EEPD1: variants seen among roughly 807,000 people sequenced by gnomAD.
EEPD1 encodes the protein endonuclease/exonuclease/phosphatase family domain containing 1.
In EEPD1, 17 loss-of-function variants were observed where a neutral mutation model predicts 46.3. The ratio of observed to expected loss-of-function variants is 0.37; its 90% confidence interval spans 0.25 to 0.55. EEPD1 has a LOEUF of 0.55. EEPD1 is among the 20% of genes least tolerant of loss of function. The pLI is 0.83. For synonymous variants in EEPD1, 313 were observed against 315.6 expected (o/e 0.99, Z 0.09); for missense variants, 673 against 745.6 (o/e 0.90, Z 1.13).
rs73690311 is a variant in EEPD1 at position 36,225,428 on chromosome 7, G to A, written c.879-13557G>A. On this transcript the variant is annotated intron_variant, in intron 2 of 7. Transcript: ENST00000242108. The surrounding 1 kb of genome is among the most constrained non-coding windows in gnomAD (Gnocchi z 4.2). ...CCAAACTGTGATGGAAGGAAACCCC[G>A]TGCTCACGAGGGACTGTGCGTGAAT... Among the ~76,000 whole-genome samples, 1,032 of 152,260 alleles carry A rather than the reference G, an allele frequency of 6.8e-3. 17 individuals are homozygous for A. The highest frequency in any genetic ancestry group is 0.024 in the African/African-American group (977 of 41,540).
At chr7:36,162,182 C>T (rs1165117932) in intron 2 of EEPD1, among the ~76,000 whole-genome samples, 1 of 152,234 alleles carries the variant, frequency 6.6e-6, no homozygotes, top group Non-Finnish European at 1.5e-5. Context: ...CTTCCTCACC[C>T]TCCTTCTCAT....
At chr7:36,227,710 C>T (rs375671387) in intron 2 of EEPD1, among the ~76,000 whole-genome samples, 14 of 152,056 alleles carry the variant, frequency 9.2e-5, no homozygotes, top group South Asian at 2.1e-4. Context: ...TGTTTCGAGA[C>T]GGGAGTTTTG....
chr7:36,257,803 C>T (rs1332786102), intron 3 of EEPD1, among the ~76,000 whole-genome samples: 1 of 152,108 alleles, frequency 6.6e-6, no homozygotes, highest in Non-Finnish European at 1.5e-5. Context: ...TGTTATTACC[C>T]ACCTTCTGAA....
At chr7:36,207,299 CA>C (rs1269373185) in intron 2 of EEPD1, among the ~76,000 whole-genome samples, 1 of 152,140 alleles carries the variant, frequency 6.6e-6, no homozygotes, top group Non-Finnish European at 1.5e-5. Context: ...CCCATGATAT[CA>C]GGGGATGTTC....
intron 6 of EEPD1, among the ~76,000 whole-genome samples, chr7:36,288,288 G>T (rs1787371269): frequency 6.6e-6 from 1 of 152,128 alleles, no homozygotes; most frequent in African/African-American, 2.4e-5. Flanking sequence ...AATCTTGTAG[G>T]ACCTCAGGCA....
At chr7:36,196,064 CTG>C (rs1029696344) in intron 2 of EEPD1, among the ~76,000 whole-genome samples, 13 of 152,142 alleles carry the variant, frequency 8.5e-5, no homozygotes, top group African/African-American at 3.1e-4. Flanking sequence ...AATATTATAA[CTG>C]TAACACTATG....
intron 6 of EEPD1, among the ~76,000 whole-genome samples, chr7:36,289,899 A>G (rs1293058933): frequency 6.6e-6 from 1 of 152,170 alleles, no homozygotes; most frequent in Non-Finnish European, 1.5e-5. Flanking sequence ...GGTAGCTTCC[A>G]CCTTTGTCCT....
Position 36,295,358 on chromosome 7 carries a change from A to G in EEPD1, c.1316-1635A>G, listed in dbSNP as rs144063985. Among the ~76,000 whole-genome samples, 524 of 152,308 alleles carry G rather than the reference A, an allele frequency of 3.4e-3. 4 individuals carry two copies. The highest frequency in any genetic ancestry group is 0.012 in the African/African-American group (496 of 41,566). On this transcript the variant is annotated intron_variant, in intron 6 of 7. Coordinates refer to ENST00000242108, the MANE Select transcript of EEPD1 (RefSeq NM_030636.3). Reference sequence around the variant, plus strand: ...TGGAAATATTTCAGGAACAAAGTCAATGACATAGTACTGGATATAACTCAA... The same window carrying G: ...TGGAAATATTTCAGGAACAAAGTCAGTGACATAGTACTGGATATAACTCAA...
Position 36,225,736 on chromosome 7 carries a change from G to A in EEPD1, c.879-13249G>A, listed in dbSNP as rs1429652188. On this transcript the variant is annotated intron_variant, in intron 2 of 7. Coordinates refer to ENST00000242108, the MANE Select transcript of EEPD1 (RefSeq NM_030636.3). The surrounding 1 kb of genome is among the most constrained non-coding windows in gnomAD (Gnocchi z 4.2). ...ACACCAACCTACGTGTGGAGCCTGA[G>A]AATCTGAAGCATTAAAAGTTCTTCG... Among the ~76,000 whole-genome samples the A allele has an allele frequency of 6.6e-6, 1 of 152,148 alleles. No homozygotes were observed. The highest frequency in any genetic ancestry group is 1.5e-5 in the Non-Finnish European group (1 of 68,032).
At chr7:36,235,300 A>G (rs765359272) in intron 2 of EEPD1, among the ~76,000 whole-genome samples, 1 of 152,216 alleles carries the variant, frequency 6.6e-6, no homozygotes, top group Non-Finnish European at 1.5e-5. Context: ...CAAAAAGGGG[A>G]AAATACCTCC....
chr7:36,298,682 CTGTTTTG>C (rs1787565351), intron 7 of EEPD1, among the ~76,000 whole-genome samples: 1 of 152,166 alleles, frequency 6.6e-6, no homozygotes, highest in Non-Finnish European at 1.5e-5. Flanking sequence ...GCGTCTGTCT[CTGTTTTG>C]TGATCAGATT....
At chr7:36,260,827 A>G (rs1011518326) in intron 3 of EEPD1, among the ~76,000 whole-genome samples, 1 of 152,238 alleles carries the variant, frequency 6.6e-6, no homozygotes, top group Admixed American at 6.5e-5. Context: ...ATGAATTGAA[A>G]ATATTCAAAA....
intron 2 of EEPD1, among the ~76,000 whole-genome samples, chr7:36,165,372 A>C (rs1308880094): frequency 6.8e-6 from 1 of 147,154 alleles, no homozygotes; most frequent in Non-Finnish European, 1.5e-5. Flanking sequence ...CCACTCTGTG[A>C]AGTTTGCACA....
chr7:36,255,230 GGTATT>G (rs1786808864), intron 3 of EEPD1, among the ~76,000 whole-genome samples: 1 of 152,122 alleles, frequency 6.6e-6, no homozygotes, highest in South Asian at 2.1e-4. Context: ...TGTCCTGAAT[GGTATT>G]GCCTAGGTTT....
At chr7:36,260,053 A>G (rs757279384) in intron 3 of EEPD1, among the ~76,000 whole-genome samples, 3 of 152,238 alleles carry the variant, frequency 2.0e-5, no homozygotes, top group East Asian at 1.9e-4. Context: ...GCCCAGCAAT[A>G]CAGTCATATA....
chr7:36,207,331 T>G (rs1364513254), intron 2 of EEPD1, among the ~76,000 whole-genome samples: 1 of 152,138 alleles, frequency 6.6e-6, no homozygotes, highest in Non-Finnish European at 1.5e-5. Flanking sequence ...GGATATTTGA[T>G]TAGAAAAATA....
chr7:36,237,385 C>T (rs1562697551), intron 2 of EEPD1, among the ~76,000 whole-genome samples: 1 of 152,230 alleles, frequency 6.6e-6, no homozygotes, highest in Non-Finnish European at 1.5e-5. Flanking sequence ...AGTCCTCCTG[C>T]CTTGGCCTCC....
At chr7:36,276,521 A>G (rs1422153849) in intron 3 of EEPD1, among the ~76,000 whole-genome samples, 1 of 152,142 alleles carries the variant, frequency 6.6e-6, no homozygotes, top group East Asian at 1.9e-4. Flanking sequence ...TGCCTCATTC[A>G]TTACCTCACA....
In EEPD1 at chr7:36,299,502, T is replaced by G; in HGVS notation, c.*296T>G. 1 of 433,746 alleles carries G rather than the reference T, an allele frequency of 2.3e-6. No individual in the cohort carries two copies. Among genetic ancestry groups the G allele is most frequent in the South Asian group, 3.1e-5 (1 of 32,586 alleles). 26.9% of individuals were successfully genotyped at this position (433,746 alleles called of 1,614,324 possible). ...ATTGGGCTGGCTGTCCGCTGCTGACTGGATGGCAGCACAAAGACAATATGA... is the reference window on the plus strand; with the variant it reads ...ATTGGGCTGGCTGTCCGCTGCTGACGGGATGGCAGCACAAAGACAATATGA... On this transcript the variant is annotated 3_prime_UTR_variant, in exon 8 of 8. Coordinates refer to ENST00000242108, the MANE Select transcript of EEPD1 (RefSeq NM_030636.3).
Sources: gnomAD v4.1 joint callset for allele counts (sites outside exome capture counted in the v4.1 genomes callset) on GRCh38, gnomAD v4.1.1 for gene constraint, Gnocchi (gnomAD v3.1) non-coding constraint, MANE v1.5 for transcripts, NCBI Gene and HGNC (gene_info 2026-07-23, HGNC 2026-07-21) for gene names.